Variants in GSE1 observed in about 807,000 individuals in gnomAD.
The protein encoded by GSE1 is Gse1 coiled-coil protein.
Under a neutral mutation model 112.6 loss-of-function variants are expected in GSE1, and 32 were observed. The observed-to-expected ratio is 0.28, with a 90% CI of 0.21 to 0.38. The LOEUF (loss-of-function observed/expected upper bound fraction) is 0.38, where lower values mean the gene tolerates loss of function less well. Ranked by LOEUF, GSE1 falls within the 10% of genes least tolerant of loss-of-function variation. The probability of loss-of-function intolerance (pLI) is 1.00; values close to 1 mark genes in which losing one functional copy is unlikely to be tolerated. For missense variants in GSE1, 2,348 were observed against 1,699.2 expected, an observed-to-expected ratio of 1.38 and a Z score of -6.71; for synonymous variants, 1,115 against 735.6, an observed-to-expected ratio of 1.52 and a Z score of -8.35.
At chr16:85,672,302 T>A (rs1292672938) in intron 15 of GSE1, 103 bp from the exon 16 acceptor site, 1 of 873,262 alleles carries the variant, frequency 1.1e-6, no homozygotes, top group Non-Finnish European at 1.8e-6. Context: ...GCCGGGACAT[T>A]TTCAAATGTA....
intron 2 of GSE1, among the ~76,000 whole-genome samples, chr16:85,427,229 G>A (rs2049014618): frequency 6.6e-6 from 1 of 152,202 alleles, no homozygotes; most frequent in Admixed American, 6.5e-5. Flanking sequence ...TGAGTTCAAA[G>A]CAAAGCAACA....
chr16:85,482,490 G>A (rs1235567986), intron 2 of GSE1, among the ~76,000 whole-genome samples: 1 of 125,422 alleles, frequency 8.0e-6, no homozygotes, highest in Non-Finnish European at 1.7e-5. Flanking sequence ...CAGCCTCCAC[G>A]TGACTCAGTT....
intron 1 of GSE1, among the ~76,000 whole-genome samples, chr16:85,186,084 A>C (rs77127711): frequency 6.6e-6 from 1 of 152,124 alleles, no homozygotes; most frequent in Non-Finnish European, 1.5e-5. Context: ...ATACTGTTCT[A>C]TGTCCCCCTA....
chr16:85,671,292 T>C (rs1377509749), intron 15 of GSE1, among the ~76,000 whole-genome samples, 194 bp downstream of exon 15: 3 of 151,432 alleles, frequency 2.0e-5, no homozygotes, highest in Non-Finnish European at 4.4e-5. Context: ...TACAAAAAAT[T>C]AGCCGGGCGT....
chr16:85,403,904 C>T (rs1353182772), intron 2 of GSE1, among the ~76,000 whole-genome samples: 1 of 152,164 alleles, frequency 6.6e-6, no homozygotes, highest in Non-Finnish European at 1.5e-5. Context: ...TCAGAGGCTG[C>T]TGGGAGGCCC....
At chr16:85,605,951 C>T (rs1462908660) in intron 1 of GSE1, among the ~76,000 whole-genome samples, 1 of 152,154 alleles carries the variant, frequency 6.6e-6, no homozygotes, top group African/African-American at 2.4e-5. Context: ...CTGCTCCCCT[C>T]TGATTGCTGC....
intron 1 of GSE1, among the ~76,000 whole-genome samples, chr16:85,234,705 C>G (rs1354903286): frequency 6.6e-6 from 1 of 152,212 alleles, no homozygotes; most frequent in Non-Finnish European, 1.5e-5. Context: ...CCTTGACCCT[C>G]TGCTGGACCA....
Position 85,593,238 on chromosome 16 carries a change from C to T in GSE1, c.37+36875C>T, listed in dbSNP as rs559764795. ...CCAAACCTGGTCCCACGGGCCAGCTCTCACTGTGGGGCAGCCAGCTGGAGG... is the reference window on the plus strand; with the variant it reads ...CCAAACCTGGTCCCACGGGCCAGCTTTCACTGTGGGGCAGCCAGCTGGAGG... On this transcript the variant is annotated intron_variant, in intron 1 of 2. Coordinates refer to the GSE1 transcript ENST00000635906. 4 of 152,396 alleles carry T rather than the reference C, an allele frequency of 2.6e-5. No homozygotes were observed. The South Asian group carries it at 8.3e-4, about 32-fold the overall frequency. The allele number at this position is 152,396 out of a possible 1,614,324, so 9.4% of individuals were successfully genotyped here.
At chr16:85,412,765 C>T (rs78995693) in intron 2 of GSE1, among the ~76,000 whole-genome samples, 1 of 151,860 alleles carries the variant, frequency 6.6e-6, no homozygotes, top group Non-Finnish European at 1.5e-5. Context: ...CTCAGGGTCC[C>T]TCTGATAATC....
At position 85,621,099 on chromosome 16, in the gene GSE1, A is replaced by G. The variant is rs573063253; in HGVS notation, c.7+7701A>G. Among the ~76,000 whole-genome samples the G allele has an allele frequency of 4.7e-5, 7 of 150,452 alleles. No individual in the cohort carries two copies. The East Asian group carries it at 1.4e-3, about 30-fold the overall frequency. ...CCCTGGATCTCTGCACTGTTGGGGA[A>G]CCCGTGTAGATGGTCTTGGCCCTGG... On this transcript the variant is annotated intron_variant, in intron 1 of 15. Transcript: ENST00000253458.
At chr16:85,589,878 TTG>T (rs774298465) in intron 1 of GSE1, among the ~76,000 whole-genome samples, 1 of 151,212 alleles carries the variant, frequency 6.6e-6, no homozygotes, top group Non-Finnish European at 1.5e-5. Flanking sequence ...GACAGAGACA[TTG>T]TGTGTGAAGG....
chr16:85,360,034 A>T (rs960111915), intron 2 of GSE1, among the ~76,000 whole-genome samples: 2 of 152,142 alleles, frequency 1.3e-5, no homozygotes, highest in African/African-American at 4.8e-5. Flanking sequence ...ACTCTGTCTC[A>T]AAAAAATTTT....
intron 1 of GSE1, among the ~76,000 whole-genome samples, chr16:85,630,626 T>G (rs1382920566): frequency 2.0e-5 from 3 of 152,362 alleles, no homozygotes; most frequent in South Asian, 2.1e-4. Context: ...TGAATGTTTT[T>G]AACCATTACA....
At chr16:85,502,110 C>T (rs932062405) in intron 2 of GSE1, among the ~76,000 whole-genome samples, 1 of 152,116 alleles carries the variant, frequency 6.6e-6, no homozygotes, top group Admixed American at 6.5e-5. Flanking sequence ...GTGCTGGCTG[C>T]AGGCGCTGAG....
chr16:85,656,246 C>T lies in GSE1; in HGVS notation c.990-97C>T, dbSNP rs373726559. 8 of 1,466,354 alleles carry T rather than the reference C, an allele frequency of 5.5e-6. No individual in the cohort carries two copies. In the African/African-American group the frequency reaches 8.4e-5, roughly 15 times the overall value. 90.8% of individuals were successfully genotyped at this position (1,466,354 alleles called of 1,614,324 possible). A position where few individuals can be genotyped will look rare whatever the true frequency, so the allele number is the denominator to read the frequency against. ...CTCCCGTCACTGTTCAGATTAGCGCCCTGGCTCGTTCCTGGTTATGCTTTT... is the reference window on the plus strand; with the variant it reads ...CTCCCGTCACTGTTCAGATTAGCGCTCTGGCTCGTTCCTGGTTATGCTTTT... On this transcript the variant is annotated intron_variant, in intron 6 of 15. Transcript: ENST00000253458.
At chr16:85,231,320 T>G (rs572187209) in intron 1 of GSE1, among the ~76,000 whole-genome samples, 1 of 146,458 alleles carries the variant, frequency 6.8e-6, no homozygotes, top group Non-Finnish European at 1.5e-5. Context: ...GAAGGACAGA[T>G]AGAAGGACAG....
intron 2 of GSE1, among the ~76,000 whole-genome samples, chr16:85,386,320 G>A (rs1006599853): frequency 6.6e-6 from 1 of 152,232 alleles, no homozygotes; most frequent in Non-Finnish European, 1.5e-5. Context: ...GTTGGATGCT[G>A]CCTGGGTCAA....
intron 2 of GSE1, among the ~76,000 whole-genome samples, chr16:85,516,175 C>A (rs1454019367): frequency 6.6e-6 from 1 of 152,000 alleles, no homozygotes; most frequent in African/African-American, 2.4e-5. Context: ...AGGGACCAGA[C>A]CCCTGGAGTA....
At chr16:85,256,907 C>T (rs1265711149) in intron 1 of GSE1, among the ~76,000 whole-genome samples, 1 of 152,232 alleles carries the variant, frequency 6.6e-6, no homozygotes, top group Admixed American at 6.5e-5. Context: ...TTCAAGTGCT[C>T]ACGACATGTG....
Sources: gnomAD v4.1 joint callset for allele counts (sites outside exome capture counted in the v4.1 genomes callset) on GRCh38, gnomAD v4.1.1 for gene constraint, MANE v1.5 for transcripts, NCBI Gene and HGNC (gene_info 2026-07-23, HGNC 2026-07-21) for gene names.